Variants in R3HCC1L observed in about 807,000 individuals in gnomAD.
R3HCC1L encodes the protein coiled-coil domain-containing protein R3HCC1L.
A neutral mutation model predicts 59.9 loss-of-function variants in R3HCC1L; 51 were observed. That is an observed-to-expected ratio of 0.85 (90% CI 0.68 to 1.07). R3HCC1L has a LOEUF of 1.07. Ranked by LOEUF, R3HCC1L falls within the 50% of genes least tolerant of loss-of-function variation. The pLI is 0.00. For missense variants in R3HCC1L, 965 were observed against 933.0 expected, an observed-to-expected ratio of 1.03 and a Z score of -0.45; for synonymous variants, 322 against 315.2, an observed-to-expected ratio of 1.02 and a Z score of -0.23.
At chr10:98,181,524 T>C (rs1183799807) in intron 4 of R3HCC1L, among the ~76,000 whole-genome samples, 2 of 152,208 alleles carry the variant, frequency 1.3e-5, no homozygotes, top group Non-Finnish European at 2.9e-5. Flanking sequence ...GGAGTATCTT[T>C]GTGGCGGTCT....
intron 4 of R3HCC1L, among the ~76,000 whole-genome samples, chr10:98,196,126 G>A (rs2134986188): frequency 6.6e-6 from 1 of 152,260 alleles, no homozygotes; most frequent in South Asian, 2.1e-4. Context: ...TCTAATAAAG[G>A]TATGACAAAG....
At position 98,134,785 on chromosome 10, in the gene R3HCC1L, G is replaced by A. The variant is rs112443738; in HGVS notation, c.-268+79G>A. 1,161 of 152,380 alleles carry A rather than the reference G, an allele frequency of 7.6e-3. 25 individuals are homozygous for A. Among genetic ancestry groups the A allele is most frequent in the African/African-American group, 0.026 (1,092 of 41,576 alleles). The allele number at this position is 152,380 out of a possible 1,614,324, so 9.4% of individuals were successfully genotyped here. On this transcript the variant is annotated intron_variant, in intron 1 of 9. Coordinates refer to ENST00000298999, the MANE Select transcript of R3HCC1L (RefSeq NM_001351015.2). ...TCCCCACTTCTCCCTTCACAGCCCG[G>A]GACAAGACTTCCATTCCGTCGTTTG...
At chr10:98,219,362 G>A (rs891975888) in intron 5 of R3HCC1L, among the ~76,000 whole-genome samples, 1 of 152,168 alleles carries the variant, frequency 6.6e-6, no homozygotes, top group African/African-American at 2.4e-5. Flanking sequence ...CTTGTAGGCA[G>A]CATATAGTTG....
At chr10:98,197,671 G>A (rs1014491107) in intron 4 of R3HCC1L, among the ~76,000 whole-genome samples, 1 of 152,110 alleles carries the variant, frequency 6.6e-6, no homozygotes, top group Non-Finnish European at 1.5e-5. Flanking sequence ...AACAAATGCA[G>A]TGCAATGGCA....
chr10:98,217,846 GCTGAGTTATATT>G (rs1300558439), intron 5 of R3HCC1L, among the ~76,000 whole-genome samples: 1 of 151,676 alleles, frequency 6.6e-6, no homozygotes, highest in Non-Finnish European at 1.5e-5. Flanking sequence ...GTACAGAAAT[GCTGAGTTATATT>G]GGCTGACTTT....
chr10:98,234,342 T>A, intron 6 of R3HCC1L, 104 bp from the exon 7 acceptor site: 1 of 1,010,394 alleles, frequency 9.9e-7, no homozygotes, highest in Non-Finnish European at 1.5e-6. Context: ...GTGCACTCGT[T>A]GAGTGTTTCT....
intron 5 of R3HCC1L, among the ~76,000 whole-genome samples, chr10:98,215,136 TGCC>T (rs1414666040): frequency 6.6e-6 from 1 of 152,128 alleles, no homozygotes; most frequent in Non-Finnish European, 1.5e-5. Context: ...AAATATTCTG[TGCC>T]CAGCGCTGAT....
chr10:98,215,822 A>T (rs527639046), intron 5 of R3HCC1L, among the ~76,000 whole-genome samples: 2 of 152,348 alleles, frequency 1.3e-5, no homozygotes, highest in Admixed American at 1.3e-4. Context: ...AAAAAAGGAT[A>T]TATCTTAGAA....
chr10:98,193,830 A>G (rs1851115750), intron 4 of R3HCC1L, among the ~76,000 whole-genome samples: 2 of 152,166 alleles, frequency 1.3e-5, no homozygotes. Context: ...CAATCTGTAC[A>G]AGAAGACCAA....
chr10:98,229,225 T>A (rs1856056524), intron 5 of R3HCC1L, among the ~76,000 whole-genome samples: 1 of 152,190 alleles, frequency 6.6e-6, no homozygotes, highest in South Asian at 2.1e-4. Flanking sequence ...GAGCATGGAA[T>A]GTTCTTCCAT....
chr10:98,139,893 A>G (rs2133851023), intron 1 of R3HCC1L, among the ~76,000 whole-genome samples: 1 of 151,546 alleles, frequency 6.6e-6, no homozygotes, highest in South Asian at 2.1e-4. Context: ...GACTAGGGAT[A>G]AAAACAGAAG....
At chr10:98,213,301 T>C (rs950436515) in intron 5 of R3HCC1L, among the ~76,000 whole-genome samples, 3 of 152,210 alleles carry the variant, frequency 2.0e-5, no homozygotes, top group African/African-American at 4.8e-5. Context: ...TGTGTTGTTA[T>C]CACTGCTATG....
intron 5 of R3HCC1L, among the ~76,000 whole-genome samples, chr10:98,222,040 C>T (rs1466364965): frequency 2.0e-5 from 3 of 152,140 alleles, no homozygotes; most frequent in Non-Finnish European, 4.4e-5. Context: ...TTGTTTGTAT[C>T]CTTTTTTATT....
intron 4 of R3HCC1L, among the ~76,000 whole-genome samples, chr10:98,179,279 T>A (rs1458277348): frequency 6.6e-6 from 1 of 152,232 alleles, no homozygotes; most frequent in Admixed American, 6.5e-5. Flanking sequence ...TGAAAGGTTG[T>A]TGAATTTTGT....
chr10:98,148,424 T>G (rs1370616637), intron 1 of R3HCC1L, among the ~76,000 whole-genome samples: 2 of 152,170 alleles, frequency 1.3e-5, no homozygotes, highest in African/African-American at 2.4e-5. Context: ...AGTATTATGT[T>G]GAATAAAAGT....
intron 2 of R3HCC1L, among the ~76,000 whole-genome samples, chr10:98,162,525 GCTAA>G (rs1165682877): frequency 6.6e-6 from 1 of 152,112 alleles, no homozygotes; most frequent in Non-Finnish European, 1.5e-5. Flanking sequence ...GCATTTCTTT[GCTAA>G]CTGATGAGTT....
chr10:98,203,414 A>C (rs897237931), intron 4 of R3HCC1L, among the ~76,000 whole-genome samples: 2 of 152,230 alleles, frequency 1.3e-5, no homozygotes, highest in African/African-American at 4.8e-5. Flanking sequence ...AATTATTCCC[A>C]AATAAAATGT....
At position 98,208,644 on chromosome 10, in the gene R3HCC1L, G is replaced by A; in HGVS notation, c.530G>A (p.Ser177Asn). 1.2e-6 allele frequency: 2 copies of A among 1,614,132 alleles called. No homozygotes were observed. The highest frequency in any genetic ancestry group is 1.7e-6 in the Non-Finnish European group (2 of 1,180,016). ...GAAATCAGCGAGGCTCAAGTTCCAA[G>A]CAAACCATTCCAAAATGTGGAATTC... is the stretch of plus-strand genomic sequence containing the variant. ...CLEISEAQVP[S>N]KPFQNVEFCD... The change falls in exon 5 of 10, where the codon AGC (serine) becomes AAC (asparagine). Residue 177 changes from serine to asparagine, a missense_variant. By Grantham distance (46) the Ser-to-Asn change is conservative (BLOSUM62 1). Transcript: ENST00000298999.
At position 98,169,517 on chromosome 10, in the gene R3HCC1L, T is replaced by TCTA. The variant is rs1325435273; in HGVS notation, c.-15+6130_-15+6132dup. ...AGCTGATTATTCTTCTTTCTCTTCC[T>TCTA]CTACTACTACTAAATCACTGCTCTA... On this transcript the variant is annotated intron_variant, in intron 4 of 9. Coordinates refer to ENST00000298999, the MANE Select transcript of R3HCC1L (RefSeq NM_001351015.2). Among the ~76,000 whole-genome samples the TCTA allele has an allele frequency of 3.3e-5, 5 of 152,198 alleles. No homozygotes were observed. In the East Asian group the frequency reaches 9.6e-4, roughly 29 times the overall value.
Sources: allele counts gnomAD v4.1 joint callset (sites outside exome capture counted in the v4.1 genomes callset), GRCh38; gene constraint gnomAD v4.1.1; transcripts MANE v1.5; gene names NCBI Gene and HGNC (gene_info 2026-07-23, HGNC 2026-07-21).